The following RIMBP2 variants were observed in gnomAD, a reference collection of about 807,000 sequenced individuals.
RIMBP2 encodes the protein RIMS-binding protein 2.
A neutral mutation model predicts 118.6 loss-of-function variants in RIMBP2; 48 were observed. That is an observed-to-expected ratio of 0.40 (90% CI 0.32 to 0.51). The LOEUF (loss-of-function observed/expected upper bound fraction) is 0.51, where lower values mean the gene tolerates loss of function less well. Among genes scored for constraint, RIMBP2 ranks in the 20% least tolerant of loss-of-function variants. The probability of loss-of-function intolerance (pLI) is 0.41; values close to 1 mark genes in which losing one functional copy is unlikely to be tolerated. For missense variants in RIMBP2, 1,551 were observed against 1,768.3 expected (o/e 0.88, Z 2.20); for synonymous variants, 762 against 742.9 (o/e 1.03, Z -0.42).
At chr12:130,711,743 G>C (rs1949929595) in intron 1 of RIMBP2, among the ~76,000 whole-genome samples, 1 of 152,224 alleles carries the variant, frequency 6.6e-6, no homozygotes, top group Non-Finnish European at 1.5e-5. Context: ...AGTACAGTGT[G>C]ACTGGCTTGT....
At chr12:130,438,334 A>ATCCCCCCCCCCC in intron 12 of RIMBP2, 31 bp downstream of exon 12, 4 of 1,344,516 alleles carry the variant, frequency 3.0e-6, no homozygotes, top group Non-Finnish European at 4.3e-6. Context: ...GGGCCTAACA[A>ATCCCCCCCCCCC]ACCCTCCCCA....
At position 130,452,041 on chromosome 12, in the gene RIMBP2, G is replaced by GCTGCT. The variant is rs1183428044; in HGVS notation, c.359-702_359-701insAGCAG. On this transcript the variant is annotated intron_variant, in intron 7 of 22. Transcript: ENST00000690449. ...GAGCCCTGTCCTGGTTGCCTGGAAG[G>GCTGCT]GAGCATTGAGCAACGTGACTAACGC... 3.9e-5 allele frequency among the ~76,000 whole-genome samples: 6 copies of GCTGCT among 152,284 alleles called. 1 individual carries two copies. In the East Asian group the frequency reaches 1.2e-3, roughly 29 times the overall value.
At chr12:130,456,080 G>C (rs555485846) in intron 7 of RIMBP2, among the ~76,000 whole-genome samples, 1 of 152,298 alleles carries the variant, frequency 6.6e-6, no homozygotes, top group South Asian at 2.1e-4. Context: ...GAAAAACAAC[G>C]AACACAGAGA....
chr12:130,532,885 T>C (rs375380877), intron 2 of RIMBP2, among the ~76,000 whole-genome samples: 1 of 143,214 alleles, frequency 7.0e-6, no homozygotes, highest in African/African-American at 2.7e-5. Flanking sequence ...ATGCGTATGT[T>C]TAGCCTCTAG....
intron 11 of RIMBP2, among the ~76,000 whole-genome samples, chr12:130,439,471 T>TTGTGTATGTG (rs1221843808): frequency 2.5e-5 from 3 of 122,166 alleles, no homozygotes; most frequent in Admixed American, 8.1e-5. Flanking sequence ...GTGTATGTAT[T>TTGTGTATGTG]TGTGTATGTG....
chr12:130,400,518 C>T (rs1023930643), intron 21 of RIMBP2, among the ~76,000 whole-genome samples: 12 of 152,260 alleles, frequency 7.9e-5, no homozygotes, highest in Admixed American at 7.2e-4. Context: ...AGGCCTACCA[C>T]GTCACTTCTT....
chr12:130,676,942 G>T (rs1451464157), intron 1 of RIMBP2, among the ~76,000 whole-genome samples: 1 of 152,168 alleles, frequency 6.6e-6, no homozygotes, highest in Non-Finnish European at 1.5e-5. Context: ...AGTCATGTGG[G>T]TTACACAGCT....
chr12:130,714,656 A>G (rs575815833), intron 1 of RIMBP2, among the ~76,000 whole-genome samples: 43 of 152,214 alleles, frequency 2.8e-4, no homozygotes, highest in African/African-American at 9.6e-4. Flanking sequence ...CGGCTGCCAT[A>G]TGGCCACGGC....
chr12:130,599,078 G>C (rs2059721786), intron 2 of RIMBP2, among the ~76,000 whole-genome samples: 1 of 152,168 alleles, frequency 6.6e-6, no homozygotes, highest in Non-Finnish European at 1.5e-5. Context: ...AATGGTGATG[G>C]AAATATTGGA....
chr12:130,521,546 C>G (rs886711099), intron 2 of RIMBP2, among the ~76,000 whole-genome samples: 1 of 152,212 alleles, frequency 6.6e-6, no homozygotes, highest in African/African-American at 2.4e-5. Flanking sequence ...TCCCACACCA[C>G]AATGTAACTG....
intron 2 of RIMBP2, among the ~76,000 whole-genome samples, chr12:130,593,079 G>A (rs1484534906): frequency 6.6e-6 from 1 of 152,216 alleles, no homozygotes. Flanking sequence ...AAACAAACTA[G>A]GCTCTTCCCG....
intron 4 of RIMBP2, among the ~76,000 whole-genome samples, chr12:130,506,175 C>G (rs917516496): frequency 6.6e-6 from 1 of 152,074 alleles, no homozygotes; most frequent in Non-Finnish European, 1.5e-5. Context: ...TGAAGGAGAG[C>G]TCAGCTCATC....
At chr12:130,713,234 G>GAAGGAAGGAAGGAAGGAAGGAAGGAAGA (rs1950073154) in intron 1 of RIMBP2, among the ~76,000 whole-genome samples, 1 of 147,364 alleles carries the variant, frequency 6.8e-6, no homozygotes, top group African/African-American at 2.5e-5. Flanking sequence ...AGGAAGGAAG[G>GAAGGAAGGAAGGAAGGAAGGAAGGAAGA]AAGGAAGGAA....
At chr12:130,638,072 G>A (rs866252726) in intron 1 of RIMBP2, among the ~76,000 whole-genome samples, 7 of 152,080 alleles carry the variant, frequency 4.6e-5, no homozygotes, top group African/African-American at 1.7e-4. Context: ...AGATAGTATT[G>A]GATGAATAAC....
intron 1 of RIMBP2, among the ~76,000 whole-genome samples, chr12:130,629,675 T>C (rs539926862): frequency 1.3e-5 from 2 of 152,128 alleles, no homozygotes; most frequent in African/African-American, 4.8e-5. Context: ...ATGCTACCCC[T>C]CACCACTCTC....
chr12:130,615,853 C>A (rs10848161), intron 2 of RIMBP2, among the ~76,000 whole-genome samples: 104,444 of 151,902 alleles, frequency 0.69, 36,317 homozygotes, highest in Admixed American at 0.75. Flanking sequence ...TGGTTGGCAC[C>A]GGTTTCAAAC....
At chr12:130,715,700 T>A (rs1950278477) in intron 1 of RIMBP2, among the ~76,000 whole-genome samples, 1 of 152,188 alleles carries the variant, frequency 6.6e-6, no homozygotes, top group African/African-American at 2.4e-5. Flanking sequence ...GCGGGCTTTG[T>A]GCATTTGCAC....
chr12:130,656,263 C>G (rs892208372), intron 1 of RIMBP2, among the ~76,000 whole-genome samples: 4 of 152,132 alleles, frequency 2.6e-5, no homozygotes, highest in Non-Finnish European at 5.9e-5. Flanking sequence ...GGCACCTTCC[C>G]TCCCACAGGG....
intron 2 of RIMBP2, among the ~76,000 whole-genome samples, chr12:130,582,050 T>G (rs2058516074): frequency 6.6e-6 from 1 of 152,040 alleles, no homozygotes; most frequent in African/African-American, 2.4e-5. Flanking sequence ...GTGGCTCACT[T>G]CCTCACCCAC....
Sources: allele counts gnomAD v4.1 joint callset (sites outside exome capture counted in the v4.1 genomes callset), GRCh38; gene constraint gnomAD v4.1.1; transcripts MANE v1.5; gene names NCBI Gene and HGNC (gene_info 2026-07-23, HGNC 2026-07-21).